The following AP2B1 variants were observed in gnomAD, a reference collection of about 807,000 sequenced individuals.
AP2B1 encodes the protein AP-2 complex subunit beta.
Under a neutral mutation model 102.0 loss-of-function variants are expected in AP2B1, and 23 were observed. The observed-to-expected ratio is 0.23, with a 90% CI of 0.16 to 0.32. The LOEUF (loss-of-function observed/expected upper bound fraction) is 0.32, where lower values mean the gene tolerates loss of function less well. AP2B1 is among the 10% of genes least tolerant of loss of function. The probability of loss-of-function intolerance (pLI) is 1.00; values close to 1 mark genes in which losing one functional copy is unlikely to be tolerated. For synonymous variants in AP2B1, 381 were observed against 421.2 expected (o/e 0.90, Z 1.17); for missense variants, 541 against 1,157.4 (o/e 0.47, Z 7.73).
chr17:35,714,472 G>C (rs1196228781), intron 20 of AP2B1, among the ~76,000 whole-genome samples: 1 of 152,160 alleles, frequency 6.6e-6, no homozygotes, highest in Non-Finnish European at 1.5e-5. Flanking sequence ...AAAGAAGGAA[G>C]ATCACATCGA....
Position 35,602,647 on chromosome 17 carries a change from T to C in AP2B1, c.144-3058T>C, listed in dbSNP as rs569328473. 3.9e-5 allele frequency among the ~76,000 whole-genome samples: 6 copies of C among 152,340 alleles called. No homozygotes were observed. In the South Asian group the frequency reaches 1.0e-3, roughly 26 times the overall value. On this transcript the variant is annotated intron_variant, in intron 3 of 21. Transcript: ENST00000610402. ...AAATTATTAATGAGATATTTTACATTATATTTTTCATGCTAAGTCTTCAAA... is the reference window on the plus strand; with the variant it reads ...AAATTATTAATGAGATATTTTACATCATATTTTTCATGCTAAGTCTTCAAA...
chr17:35,627,562 T>G (rs1220651989), intron 8 of AP2B1, 57 bp downstream of exon 8: 2 of 1,613,012 alleles, frequency 1.2e-6, no homozygotes, highest in African/African-American at 1.3e-5. Context: ...GTCTGGCCTT[T>G]AAAGAAGCTA....
At chr17:35,681,034 C>G (rs914472964) in intron 17 of AP2B1, among the ~76,000 whole-genome samples, 1 of 152,156 alleles carries the variant, frequency 6.6e-6, no homozygotes, top group Non-Finnish European at 1.5e-5. Context: ...CTCAGACCAT[C>G]TGTCCTCCCA....
intron 5 of AP2B1, among the ~76,000 whole-genome samples, chr17:35,611,381 T>C (rs1485272503): frequency 6.6e-6 from 1 of 152,208 alleles, no homozygotes; most frequent in African/African-American, 2.4e-5. Flanking sequence ...GCAGCATCTC[T>C]ATGCTAATGT....
rs948006456 is a variant in AP2B1, at chr17:35,599,530, C to G, written c.143+1195C>G. Among the ~76,000 whole-genome samples, 6 of 152,286 alleles carry G rather than the reference C, an allele frequency of 3.9e-5. No homozygotes were observed. The South Asian group carries it at 6.2e-4, about 16-fold the overall frequency. On this transcript the variant is annotated intron_variant, in intron 3 of 21. Transcript: ENST00000610402. ...TTTATAATGAAATGTGTCAGCATAG[C>G]TCAGTGAACCAATATTTTTCCAAAT...
chr17:35,621,002 T>C (rs1240046493), intron 5 of AP2B1, among the ~76,000 whole-genome samples: 1 of 152,204 alleles, frequency 6.6e-6, no homozygotes, highest in Non-Finnish European at 1.5e-5. Context: ...GAAGCACACC[T>C]TTGTCTTAGT....
At chr17:35,710,495 T>A (rs1555587001) in intron 20 of AP2B1, among the ~76,000 whole-genome samples, 175 bp downstream of exon 20, 1 of 152,206 alleles carries the variant, frequency 6.6e-6, no homozygotes, top group Non-Finnish European at 1.5e-5. Flanking sequence ...GTGATATGTT[T>A]TGATGTAGGT....
chr17:35,629,620 A>G (rs2074408788), intron 9 of AP2B1, among the ~76,000 whole-genome samples: 1 of 152,110 alleles, frequency 6.6e-6, no homozygotes, highest in Admixed American at 6.6e-5. Context: ...ATAATTTTTT[A>G]ATTGAGATGT....
chr17:35,641,103 T>C (rs1411989249), intron 11 of AP2B1, among the ~76,000 whole-genome samples: 3 of 152,230 alleles, frequency 2.0e-5, no homozygotes, highest in Admixed American at 2.0e-4. Context: ...AGCTTTGTGG[T>C]TTAGCAGCCA....
At chr17:35,602,676 C>T (rs935813160) in intron 3 of AP2B1, among the ~76,000 whole-genome samples, 8 of 152,080 alleles carry the variant, frequency 5.3e-5, no homozygotes, top group Admixed American at 1.3e-4. Context: ...CTTCAAAATC[C>T]AGTGTGTGTT....
At chr17:35,670,461 C>T (rs1329778562) in intron 14 of AP2B1, among the ~76,000 whole-genome samples, 1 of 152,102 alleles carries the variant, frequency 6.6e-6, no homozygotes, top group African/African-American at 2.4e-5. Context: ...CCGTCCGCCC[C>T]CCACTATAAG....
intron 5 of AP2B1, among the ~76,000 whole-genome samples, chr17:35,614,879 C>T (rs140500000): frequency 3.9e-5 from 6 of 152,120 alleles, no homozygotes; most frequent in African/African-American, 1.2e-4. Context: ...ATGTGCTAGC[C>T]AGCACGTAGA....
At chr17:35,660,159 T>C (rs1237948720) in intron 14 of AP2B1, 3 of 844,816 alleles carry the variant, frequency 3.6e-6, no homozygotes, top group East Asian at 1.2e-4. Flanking sequence ...TTTTGTTTAG[T>C]TTGTGGAAAT....
At chr17:35,674,136 A>G (rs368583306) in intron 16 of AP2B1, 40 bp from the exon 17 acceptor site, 2 of 1,575,832 alleles carry the variant, frequency 1.3e-6, no homozygotes, top group African/African-American at 2.7e-5. Flanking sequence ...CATCAAGATA[A>G]ATCTTGTCTG....
chr17:35,701,819 G>A (rs2076244754), intron 18 of AP2B1, among the ~76,000 whole-genome samples: 1 of 152,116 alleles, frequency 6.6e-6, no homozygotes, highest in Non-Finnish European at 1.5e-5. Flanking sequence ...GTCTCACTTA[G>A]GTTGCCCAAG....
intron 21 of AP2B1, 82 bp downstream of exon 21, chr17:35,717,431 G>A (rs2085207947): frequency 6.7e-7 from 1 of 1,487,570 alleles, no homozygotes; most frequent in African/African-American, 1.4e-5. Flanking sequence ...ACCCTAGAAA[G>A]ACCTGGAGGA....
intron 18 of AP2B1, among the ~76,000 whole-genome samples, chr17:35,701,354 A>G (rs2076235493): frequency 6.6e-6 from 1 of 152,200 alleles, no homozygotes; most frequent in Admixed American, 6.6e-5. Flanking sequence ...AGGATACACA[A>G]TAGCACATTT....
chr17:35,691,329 T>G (rs2076036870), intron 18 of AP2B1, among the ~76,000 whole-genome samples: 1 of 152,210 alleles, frequency 6.6e-6, no homozygotes, highest in African/African-American at 2.4e-5. Context: ...CAGTTGCAGA[T>G]GGTGCTTGTC....
chr17:35,642,152 A>G (rs970158256), intron 12 of AP2B1, among the ~76,000 whole-genome samples, 177 bp downstream of exon 12: 3 of 152,192 alleles, frequency 2.0e-5, no homozygotes, highest in African/African-American at 7.2e-5. Context: ...ATTGTAGCTA[A>G]TTCTGTGGCT....
Sources: allele counts gnomAD v4.1 joint callset (sites outside exome capture counted in the v4.1 genomes callset), GRCh38; gene constraint gnomAD v4.1.1; transcripts MANE v1.5; gene names NCBI Gene and HGNC (gene_info 2026-07-23, HGNC 2026-07-21).